The following KIAA0513 variants were observed in gnomAD, a reference collection of about 807,000 sequenced individuals.
The protein encoded by KIAA0513 is KIAA0513.
A neutral mutation model predicts 56.5 loss-of-function variants in KIAA0513; 39 were observed. That is an observed-to-expected ratio of 0.69 (90% confidence interval 0.53 to 0.90). The LOEUF (loss-of-function observed/expected upper bound fraction) is 0.90, where lower values mean the gene tolerates loss of function less well. Among genes scored for constraint, KIAA0513 ranks in the 40% least tolerant of loss-of-function variants. The pLI is 0.00. For synonymous variants in KIAA0513, 268 were observed against 215.6 expected, an observed-to-expected ratio of 1.24 and a Z score of -2.13; for missense variants, 591 against 535.2, an observed-to-expected ratio of 1.10 and a Z score of -1.03.
rs893739374 is a variant in KIAA0513 at position 85,092,539 on chromosome 16, C to A, written c.*4214C>A. The stretch of plus-strand genomic sequence containing the variant: ...CTGGTCCCTCCTCAGTTTCCGCAGC[C>A]ACAAGGCGAAACGGCCAGATTCTCA... On this transcript the variant is annotated 3_prime_UTR_variant, in exon 13 of 13. Coordinates refer to ENST00000683363, the MANE Select transcript of KIAA0513 (RefSeq NM_001388359.1). 6.6e-6 allele frequency: 1 copy of A among 152,208 alleles called. No homozygotes were observed. Among genetic ancestry groups the A allele is most frequent in the African/African-American group, 2.4e-5 (1 of 41,440 alleles). 9.4% of individuals were successfully genotyped at this position (152,208 alleles called of 1,614,324 possible).
Position 85,077,412 on chromosome 16 carries a change from T to A in KIAA0513, c.575-13T>A. On this transcript the variant is annotated splice_polypyrimidine_tract_variant and intron_variant, in intron 5 of 12. Transcript: ENST00000683363. Reference sequence around the variant, plus strand: ...GCCTCACTGGCCTCGTCTTGTTCCCTCTCTCATCCAAGGAAAACCACAGCT... The same window carrying A: ...GCCTCACTGGCCTCGTCTTGTTCCCACTCTCATCCAAGGAAAACCACAGCT... The A allele has an allele frequency of 6.2e-7, 1 of 1,613,242 alleles. No homozygotes were observed. The highest frequency in any genetic ancestry group is 8.5e-7 in the Non-Finnish European group (1 of 1,179,574).
intron 10 of KIAA0513, among the ~76,000 whole-genome samples, chr16:85,086,203 G>A (rs967099341): frequency 4.6e-5 from 7 of 152,192 alleles, no homozygotes; most frequent in African/African-American, 1.2e-4. Flanking sequence ...GTCTAAAAAC[G>A]TTCCCTGGGC....
At chr16:85,042,530 A>G (rs1175119171) in intron 1 of KIAA0513, among the ~76,000 whole-genome samples, 1 of 152,198 alleles carries the variant, frequency 6.6e-6, no homozygotes, top group African/African-American at 2.4e-5. Context: ...CTGTAGCCTT[A>G]GGCAACTGTT....
At chr16:85,050,694 G>A (rs560611193) in intron 1 of KIAA0513, among the ~76,000 whole-genome samples, 2 of 152,162 alleles carry the variant, frequency 1.3e-5, no homozygotes, top group Non-Finnish European at 2.9e-5. Flanking sequence ...CTTGTTTTCC[G>A]CAGTGTGGTA....
At chr16:85,033,950 T>C (rs1300861154) in intron 1 of KIAA0513, among the ~76,000 whole-genome samples, 1 of 151,928 alleles carries the variant, frequency 6.6e-6, no homozygotes, top group African/African-American at 2.4e-5. Context: ...AGAGATCCAG[T>C]GTCCTTTTAA....
chr16:85,041,063 A>G (rs2073098440), intron 1 of KIAA0513, among the ~76,000 whole-genome samples: 1 of 152,246 alleles, frequency 6.6e-6, no homozygotes, highest in Non-Finnish European at 1.5e-5. Flanking sequence ...GGTCCCCTAA[A>G]TAAGAATTCA....
rs931336504 is a variant in KIAA0513 at position 85,090,016 on chromosome 16, G to T, written c.*1691G>T. On this transcript the variant is annotated 3_prime_UTR_variant, in exon 13 of 13. Transcript: ENST00000683363. ...GCCTAGCGATGCCGCTGGCCAGACC[G>T]TGACCATGCTGCCAGTGTGCTCGCC... 2 of 152,236 alleles carry T rather than the reference G, an allele frequency of 1.3e-5. No homozygotes were observed. Among genetic ancestry groups the T allele is most frequent in the African/African-American group, 2.4e-5 (1 of 41,456 alleles). The allele number at this position is 152,236 out of a possible 1,614,324, so 9.4% of individuals were successfully genotyped here.
chr16:85,067,803 C>A lies in KIAA0513; in HGVS notation c.329+403C>A, dbSNP rs549232323. On this transcript the variant is annotated intron_variant, in intron 2 of 12. Transcript: ENST00000683363. ...ATGTTCTTTTTGTTTATTTTCTTTT[C>A]TTTTTTTCTTTTTTTTTCTTTTTTT... Among the ~76,000 whole-genome samples the A allele has an allele frequency of 4.6e-5, 7 of 152,138 alleles. No homozygotes were observed. In the South Asian group the frequency reaches 8.3e-4, roughly 18 times the overall value.
chr16:85,055,557 A>G (rs2073316603), intron 1 of KIAA0513, among the ~76,000 whole-genome samples: 2 of 152,152 alleles, frequency 1.3e-5, no homozygotes, highest in South Asian at 4.1e-4. Flanking sequence ...AACACACACA[A>G]ACAACTGCAG....
At chr16:85,077,802 G>C (rs1307966002) in intron 6 of KIAA0513, among the ~76,000 whole-genome samples, 170 bp downstream of exon 6, 3 of 151,634 alleles carry the variant, frequency 2.0e-5, no homozygotes, top group African/African-American at 7.3e-5. Context: ...GCAAAGCCAA[G>C]CCCCCCCCAC....
At chr16:85,078,382 G>C (rs760142095) in intron 6 of KIAA0513, 33 bp from the exon 7 acceptor site, 3 of 1,613,118 alleles carry the variant, frequency 1.9e-6, no homozygotes, top group African/African-American at 1.3e-5. Context: ...GGTGTGAGTC[G>C]CGTGTGTCAT....
At position 85,071,865 on chromosome 16, in the gene KIAA0513, CG is replaced by C; in HGVS notation, c.413del (p.Arg138HisfsTer3). ...TGGAAAAGGCCGGGAGTGGTTTGCTCGATACGTGAGTGCCCAGGTAAGGGCG... is the reference window on the plus strand; with the variant it reads ...TGGAAAAGGCCGGGAGTGGTTTGCTCATACGTGAGTGCCCAGGTAAGGGCG... ...ENGKGREWFA[R>X]YVSAQRCNSK... On this transcript the variant is annotated frameshift_variant, in exon 3 of 13. Coordinates refer to ENST00000683363, the MANE Select transcript of KIAA0513 (RefSeq NM_001388359.1). 2 of 1,608,680 alleles carry C rather than the reference CG, an allele frequency of 1.2e-6. No individual in the cohort carries two copies. The highest frequency in any genetic ancestry group is 1.7e-6 in the Non-Finnish European group (2 of 1,178,424).
In KIAA0513 at chr16:85,077,562, A is replaced by G; in HGVS notation, c.712A>G (p.Thr238Ala). 4.3e-6 allele frequency: 7 copies of G among 1,614,150 alleles called. No homozygotes were observed. The highest frequency in any genetic ancestry group is 5.9e-6 in the Non-Finnish European group (7 of 1,180,024). The change falls in exon 6 of 13, where the codon ACT (threonine) becomes GCT (alanine). Residue 238 changes from threonine (T) to alanine (A), a missense_variant. By Grantham distance (58) the Thr-to-Ala change is moderately conservative. Transcript: ENST00000683363. ...GCTGCTGAAGAACACCTCGGCCAGG[A>G]CTGAGAATGTCAAGGGCTTCTTCGG... ...ERLLKNTSAR[T>A]ENVKGFFGGL...
intron 1 of KIAA0513, among the ~76,000 whole-genome samples, chr16:85,059,106 T>C (rs973896550): frequency 1.3e-5 from 2 of 152,238 alleles, no homozygotes; most frequent in African/African-American, 4.8e-5. Context: ...CATGGACTGT[T>C]GGACCAACTA....
intron 2 of KIAA0513, among the ~76,000 whole-genome samples, chr16:85,067,806 T>C (rs2073510590): frequency 6.6e-6 from 1 of 151,062 alleles, no homozygotes. Flanking sequence ...TTCTTTTCTT[T>C]TTTTCTTTTT....
intron 1 of KIAA0513, among the ~76,000 whole-genome samples, chr16:85,039,822 GA>G (rs933814899): frequency 6.6e-5 from 10 of 151,068 alleles, no homozygotes; most frequent in Non-Finnish European, 1.3e-4. Flanking sequence ...TGATACCAAA[GA>G]AAGAAAGGTT....
intron 3 of KIAA0513, 140 bp from the exon 4 acceptor site, chr16:85,072,785 T>A: frequency 1.3e-6 from 1 of 787,794 alleles, no homozygotes; most frequent in Non-Finnish European, 2.1e-6. Flanking sequence ...GGGTGGGTTC[T>A]ATAGTGCAGA....
chr16:85,029,023 T>C (rs575753457), intron 1 of KIAA0513, among the ~76,000 whole-genome samples: 7 of 152,340 alleles, frequency 4.6e-5, no homozygotes, highest in South Asian at 2.1e-4. Flanking sequence ...TTGGGTAATA[T>C]TGCATGTGAG....
At chr16:85,057,672 C>G (rs1316451383) in intron 1 of KIAA0513, among the ~76,000 whole-genome samples, 1 of 152,134 alleles carries the variant, frequency 6.6e-6, no homozygotes, top group Non-Finnish European at 1.5e-5. Flanking sequence ...ATCTTCAGTC[C>G]TGGGCCACGA....
Sources: allele counts gnomAD v4.1 joint callset (sites outside exome capture counted in the v4.1 genomes callset), GRCh38; gene constraint gnomAD v4.1.1; transcripts MANE v1.5; gene names NCBI Gene and HGNC (gene_info 2026-07-23, HGNC 2026-07-21).